Variants in SCHIP1 observed in about 807,000 individuals in gnomAD.
The protein encoded by SCHIP1 is schwannomin-interacting protein 1.
SCHIP1 carries 8 observed loss-of-function variants against 29.7 expected under a neutral mutation model. The observed-to-expected ratio is 0.27, with a 90% CI of 0.16 to 0.49. The LOEUF is 0.49. Among genes scored for constraint, SCHIP1 ranks in the 20% least tolerant of loss-of-function variants. The pLI, the probability that SCHIP1 is intolerant of heterozygous loss-of-function variation, is 0.99. For synonymous variants in SCHIP1, 76 were observed against 94.9 expected, an observed-to-expected ratio of 0.80 and a Z score of 1.16; for missense variants, 193 against 294.6, an observed-to-expected ratio of 0.66 and a Z score of 2.52.
chr3:159,705,768 G>A, the SCHIP1 span, among the ~76,000 whole-genome samples: 1 of 152,002 alleles, frequency 6.6e-6, no homozygotes, highest in African/African-American at 2.4e-5. Flanking sequence ...GTGCAGTGGC[G>A]CGATCTCGGC....
the SCHIP1 span, among the ~76,000 whole-genome samples, chr3:159,625,400 C>G: frequency 2.8e-4 from 43 of 152,234 alleles, no homozygotes; most frequent in African/African-American, 1.0e-3. Flanking sequence ...CCCTTATTAA[C>G]CAGGAAGCTT....
chr3:159,276,048 C>T, the SCHIP1 span, among the ~76,000 whole-genome samples: 1 of 152,136 alleles, frequency 6.6e-6, no homozygotes, highest in Non-Finnish European at 1.5e-5. Flanking sequence ...GGATGCTTTG[C>T]AGGGTGGCTG....
the SCHIP1 span, among the ~76,000 whole-genome samples, chr3:159,552,213 T>C: frequency 7.3e-5 from 11 of 151,682 alleles, no homozygotes; most frequent in Non-Finnish European, 1.6e-4. Flanking sequence ...GTCTAGCTGG[T>C]TTTTGTATTT....
At chr3:159,760,392 C>T in the SCHIP1 span, among the ~76,000 whole-genome samples, 1 of 152,154 alleles carries the variant, frequency 6.6e-6, no homozygotes, top group Non-Finnish European at 1.5e-5. Context: ...TGCACCTTGA[C>T]CAAAGGATAC....
the SCHIP1 span, among the ~76,000 whole-genome samples, chr3:159,356,255 A>G: frequency 3.3e-5 from 5 of 152,190 alleles, no homozygotes; most frequent in African/African-American, 1.2e-4. Context: ...TTAAGTTGTT[A>G]TCGTTCAATC....
At chr3:159,309,832 A>G in the SCHIP1 span, among the ~76,000 whole-genome samples, 4 of 152,162 alleles carry the variant, frequency 2.6e-5, no homozygotes, top group Non-Finnish European at 5.9e-5. Flanking sequence ...TTCAAATCAC[A>G]TTTTTACTAA....
the SCHIP1 span, among the ~76,000 whole-genome samples, chr3:159,460,024 C>T: frequency 2.6e-5 from 4 of 152,166 alleles, no homozygotes; most frequent in Non-Finnish European, 5.9e-5. Flanking sequence ...TATGGCAGCC[C>T]TAGCAAACTA....
At chr3:159,353,847 T>G in the SCHIP1 span, among the ~76,000 whole-genome samples, 14 of 152,334 alleles carry the variant, frequency 9.2e-5, no homozygotes, top group African/African-American at 3.1e-4. Flanking sequence ...TCCAAAGTTT[T>G]GGTCCAGTTG....
chr3:159,404,699 C>A, the SCHIP1 span, among the ~76,000 whole-genome samples: 8 of 152,240 alleles, frequency 5.3e-5, no homozygotes, highest in African/African-American at 1.2e-4. Context: ...CCACCCAGGA[C>A]TAGCAGGATC....
chr3:159,706,539 A>G, the SCHIP1 span, among the ~76,000 whole-genome samples: 7 of 152,232 alleles, frequency 4.6e-5, no homozygotes, highest in African/African-American at 1.7e-4. Flanking sequence ...ACCATATCTA[A>G]TGTTGAGATC....
chr3:159,415,841 T>C, the SCHIP1 span, among the ~76,000 whole-genome samples: 2 of 152,198 alleles, frequency 1.3e-5, no homozygotes, highest in Non-Finnish European at 2.9e-5. Flanking sequence ...TAGTAAGTAC[T>C]CAATATTGTT....
chr3:159,273,991 C>A, the SCHIP1 span: 9 of 1,508,636 alleles, frequency 6.0e-6, no homozygotes, highest in Non-Finnish European at 4.4e-6. Flanking sequence ...AAGCTGATGG[C>A]CTTCATTACA....
the SCHIP1 span, among the ~76,000 whole-genome samples, chr3:159,684,248 G>A: frequency 6.6e-6 from 1 of 152,104 alleles, no homozygotes; most frequent in Non-Finnish European, 1.5e-5. Context: ...ATTCAAACTA[G>A]CCAGTCCTAA....
the SCHIP1 span, among the ~76,000 whole-genome samples, chr3:159,622,419 G>GC: frequency 6.6e-6 from 1 of 152,088 alleles, no homozygotes; most frequent in South Asian, 2.1e-4. Context: ...AATGCTATTT[G>GC]TTTCTGATGA....
At chr3:159,690,720 C>T in the SCHIP1 span, among the ~76,000 whole-genome samples, 2 of 152,242 alleles carry the variant, frequency 1.3e-5, no homozygotes, top group East Asian at 1.9e-4. Flanking sequence ...CCTGCTTTCT[C>T]CTGTGGGCAT....
the SCHIP1 span, among the ~76,000 whole-genome samples, chr3:159,685,035 C>A: frequency 3.0e-4 from 45 of 152,244 alleles, no homozygotes; most frequent in Admixed American, 1.1e-3. Flanking sequence ...AGCCTAAATT[C>A]TTAAATTATA....
the SCHIP1 span, among the ~76,000 whole-genome samples, chr3:159,503,597 C>A: frequency 6.6e-6 from 1 of 152,188 alleles, no homozygotes; most frequent in South Asian, 2.1e-4. Context: ...ACAGGCCACA[C>A]CTTTCATATG....
At chr3:159,805,343 T>C in the SCHIP1 span, among the ~76,000 whole-genome samples, 1 of 152,208 alleles carries the variant, frequency 6.6e-6, no homozygotes, top group Non-Finnish European at 1.5e-5. Context: ...CCCTAGTGTC[T>C]GAGGAAAGCA....
At chr3:159,282,332 T>C in the SCHIP1 span, among the ~76,000 whole-genome samples, 6 of 152,036 alleles carry the variant, frequency 3.9e-5, no homozygotes, top group East Asian at 1.2e-3. Flanking sequence ...TCACATTTTG[T>C]GGCCATGTTG....
Sources: gnomAD v4.1 joint callset for allele counts (sites outside exome capture counted in the v4.1 genomes callset) on GRCh38, gnomAD v4.1.1 for gene constraint, MANE v1.5 for transcripts, NCBI Gene and HGNC (gene_info 2026-07-23, HGNC 2026-07-21) for gene names.